DOCK4: variants seen among roughly 807,000 people sequenced by gnomAD.
DOCK4 encodes dedicator of cytokinesis protein 4.
In DOCK4, 97 loss-of-function variants were observed where a neutral mutation model predicts 268.1. That is an observed-to-expected ratio of 0.36 (90% CI 0.31 to 0.43). DOCK4 has a LOEUF of 0.43. Ranked by LOEUF, DOCK4 falls within the 20% of genes least tolerant of loss-of-function variation. DOCK4 has a pLI of 1.00. For missense variants in DOCK4, 2,145 were observed against 2,455.7 expected (o/e 0.87, Z 2.67); for synonymous variants, 954 against 887.2 (o/e 1.08, Z -1.34).
chr7:112,063,041 C>T (rs1806578060), intron 1 of DOCK4, among the ~76,000 whole-genome samples: 1 of 152,136 alleles, frequency 6.6e-6, no homozygotes, highest in South Asian at 2.1e-4. Context: ...ACAGTTGCCT[C>T]CCAAAAAGAG....
rs111327165 is a variant in DOCK4, at chr7:112,202,350, T to C, written c.37+3752A>G. 8.1e-3 allele frequency among the ~76,000 whole-genome samples: 1,234 copies of C among 152,328 alleles called. 9 individuals carry two copies. Among genetic ancestry groups the C allele is most frequent in the Non-Finnish European group, 0.013 (871 of 68,032 alleles). ...TTTTCTCTGCACTCTCACCAATACTTGTTACCTTTCATTGTTTTTATACAG... is the reference window on the plus strand; with the variant it reads ...TTTTCTCTGCACTCTCACCAATACTCGTTACCTTTCATTGTTTTTATACAG... On this transcript the variant is annotated intron_variant, in intron 1 of 52. Transcript: ENST00000428084.
Position 111,922,103 on chromosome 7 carries a change from T to C in DOCK4, c.1067-6199A>G, listed in dbSNP as rs190727833. On this transcript the variant is annotated intron_variant, in intron 12 of 52. Coordinates refer to ENST00000428084, the MANE Select transcript of DOCK4 (RefSeq NM_001363540.2). ...GGTGAAATTCCTAATGACATGGAGA[T>C]TACAGTGCTGTCCTCAGATACTAGT... 2.8e-4 allele frequency among the ~76,000 whole-genome samples: 43 copies of C among 152,324 alleles called. 1 individual carries two copies. Among genetic ancestry groups the C allele is most frequent in the African/African-American group, 1.0e-3 (42 of 41,564 alleles).
At chr7:112,136,048 A>G (rs1451983444) in intron 1 of DOCK4, among the ~76,000 whole-genome samples, 1 of 152,174 alleles carries the variant, frequency 6.6e-6, no homozygotes, top group East Asian at 1.9e-4. Flanking sequence ...ATGGGTTGAA[A>G]GGGGAATTAT....
At chr7:112,136,406 C>A (rs1428924543) in intron 1 of DOCK4, among the ~76,000 whole-genome samples, 3 of 152,004 alleles carry the variant, frequency 2.0e-5, no homozygotes, top group African/African-American at 7.3e-5. Context: ...TTAGGGAACA[C>A]AAAATAATTT....
intron 9 of DOCK4, among the ~76,000 whole-genome samples, 161 bp from the exon 10 acceptor site, chr7:111,945,032 T>C (rs1795508523): frequency 6.6e-6 from 1 of 152,204 alleles, no homozygotes; most frequent in South Asian, 2.1e-4. Flanking sequence ...TCTAAAAATA[T>C]CATTACAATC....
In DOCK4 at chr7:112,089,092, T is replaced by A. The variant is rs1809385607; in HGVS notation, c.38-84961A>T. On this transcript the variant is annotated intron_variant, in intron 1 of 52. Coordinates refer to ENST00000428084, the MANE Select transcript of DOCK4 (RefSeq NM_001363540.2). ...TTTAGATATACTGTGTTAAATATAA[T>A]GTCAAAATTAATTTTGCCTATTTTT... Among the ~76,000 whole-genome samples, 3 of 152,322 alleles carry A rather than the reference T, an allele frequency of 2.0e-5. No individual in the cohort carries two copies. The South Asian group carries it at 6.2e-4, about 32-fold the overall frequency.
rs764384115 is a variant in DOCK4, at chr7:111,977,085, C to T, written c.701+47G>A. ...ACAGCTTGCCAATCACAAATATCCA[C>T]CATTCTAACATTAAGACATTGAAAC... On this transcript the variant is annotated intron_variant, in intron 8 of 52. Transcript: ENST00000428084. 1.9e-6 allele frequency: 3 copies of T among 1,597,212 alleles called. No individual in the cohort carries two copies. In the South Asian group the frequency reaches 3.4e-5, roughly 18 times the overall value.
At chr7:112,091,592 C>T (rs1400146096) in intron 1 of DOCK4, among the ~76,000 whole-genome samples, 1 of 152,114 alleles carries the variant, frequency 6.6e-6, no homozygotes, top group East Asian at 1.9e-4. Context: ...TATAATTTCC[C>T]ACAGACTCAG....
At chr7:112,004,922 A>G (rs1011806130) in intron 1 of DOCK4, among the ~76,000 whole-genome samples, 6 of 152,218 alleles carry the variant, frequency 3.9e-5, no homozygotes, top group African/African-American at 1.4e-4. Flanking sequence ...GTACGCACAG[A>G]TTAGTCCTTT....
intron 47 of DOCK4, chr7:111,739,797 C>A (rs899791112): frequency 1.9e-5 from 7 of 370,546 alleles, no homozygotes; most frequent in Admixed American, 4.1e-5. Flanking sequence ...CAGGCGAGTG[C>A]GTCTAAAAGG....
chr7:111,779,076 T>TAAA (rs531970629), intron 35 of DOCK4, among the ~76,000 whole-genome samples: 1 of 136,802 alleles, frequency 7.3e-6, no homozygotes, highest in Non-Finnish European at 1.6e-5. Flanking sequence ...TAAAAATCTC[T>TAAA]AAAAAAAAAA....
chr7:112,147,435 G>A (rs1055931786), intron 1 of DOCK4, among the ~76,000 whole-genome samples: 10 of 152,228 alleles, frequency 6.6e-5, no homozygotes, highest in Admixed American at 3.9e-4. Context: ...GCTCTGTCCT[G>A]GATCCACCTG....
intron 1 of DOCK4, among the ~76,000 whole-genome samples, chr7:112,093,272 C>G (rs1341957789): frequency 6.6e-6 from 1 of 152,164 alleles, no homozygotes; most frequent in African/African-American, 2.4e-5. Context: ...ACATTCCCAC[C>G]TCCCATTCCC....
At chr7:112,081,882 T>C (rs776510119) in intron 1 of DOCK4, among the ~76,000 whole-genome samples, 7 of 151,910 alleles carry the variant, frequency 4.6e-5, no homozygotes, top group Non-Finnish European at 8.8e-5. Context: ...GATCACAGAG[T>C]AATGCGCAAG....
At chr7:112,016,332 G>A (rs1801803613) in intron 1 of DOCK4, among the ~76,000 whole-genome samples, 1 of 152,200 alleles carries the variant, frequency 6.6e-6, no homozygotes, top group African/African-American at 2.4e-5. Context: ...TTTTTGGCAT[G>A]AATATCACAG....
rs1168060750 is a variant in DOCK4, at chr7:111,862,482, C to CT, written c.2473+889dup. 4.5e-3 allele frequency among the ~76,000 whole-genome samples: 372 copies of CT among 83,388 alleles called. 37 individuals are homozygous for CT. Among genetic ancestry groups the CT allele is most frequent in the East Asian group, 0.023 (61 of 2,678 alleles). 54.7% of individuals were successfully genotyped at this position (83,388 alleles called of 152,430 possible). A position where few individuals can be genotyped will look rare whatever the true frequency, so the allele number is the denominator to read the frequency against. ...CACACATTCATATGGGAAAATCATT[C>CT]TTTTTTTTTTTTTTTTTTTTTTTTT... On this transcript the variant is annotated intron_variant, in intron 23 of 52. Coordinates refer to ENST00000428084, the MANE Select transcript of DOCK4 (RefSeq NM_001363540.2).
At chr7:112,032,560 T>C (rs1199140994) in intron 1 of DOCK4, among the ~76,000 whole-genome samples, 1 of 152,082 alleles carries the variant, frequency 6.6e-6, no homozygotes, top group Non-Finnish European at 1.5e-5. Context: ...CAATGAAGGA[T>C]CTGTCTTATT....
intron 1 of DOCK4, among the ~76,000 whole-genome samples, chr7:112,145,761 C>G (rs1487412506): frequency 6.6e-6 from 1 of 151,872 alleles, no homozygotes; most frequent in African/African-American, 2.4e-5. Flanking sequence ...CTTTTGTCAT[C>G]TGACTTCACC....
chr7:111,755,768 G>A (rs151278174), intron 41 of DOCK4, among the ~76,000 whole-genome samples, 167 bp from the exon 42 acceptor site: 2 of 152,348 alleles, frequency 1.3e-5, no homozygotes, highest in East Asian at 3.9e-4. Context: ...GATTGCTGAA[G>A]CTGATTTTAA....
Sources: gnomAD v4.1 joint callset for allele counts (sites outside exome capture counted in the v4.1 genomes callset) on GRCh38, gnomAD v4.1.1 for gene constraint, MANE v1.5 for transcripts, NCBI Gene and HGNC (gene_info 2026-07-23, HGNC 2026-07-21) for gene names.